SLC5A12: variants seen among roughly 807,000 people sequenced by gnomAD.
SLC5A12 encodes the protein solute carrier family 5 member 12, also known as sodium-coupled monocarboxylate transporter 2.
Under a neutral mutation model 72.7 loss-of-function variants are expected in SLC5A12, and 46 were observed. The ratio of observed to expected loss-of-function variants is 0.63; its 90% CI spans 0.50 to 0.81. The LOEUF is 0.81. Among genes scored for constraint, SLC5A12 ranks in the 30% least tolerant of loss-of-function variants. The pLI, the probability that SLC5A12 is intolerant of heterozygous loss-of-function variation, is 0.00. For missense variants in SLC5A12, 683 were observed against 740.7 expected (o/e 0.92, Z 0.90); for synonymous variants, 275 against 264.4 (o/e 1.04, Z -0.39).
At chr11:26,690,188 G>A (rs1343462303) in intron 9 of SLC5A12, among the ~76,000 whole-genome samples, 1 of 152,018 alleles carries the variant, frequency 6.6e-6, no homozygotes, top group South Asian at 2.1e-4. Context: ...GGTTCAGATA[G>A]GTTCCATGCA....
At chr11:26,698,566 C>T (rs1231064192) in intron 6 of SLC5A12, 31 bp from the exon 7 acceptor site, 1 of 1,611,236 alleles carries the variant, frequency 6.2e-7, no homozygotes, top group South Asian at 1.1e-5. Flanking sequence ...CTATTGGTAG[C>T]CTGTATACCA....
rs941864832 is a variant in SLC5A12, at chr11:26,667,353, C to T, written c.*3749G>A. 1.3e-5 allele frequency: 2 copies of T among 151,892 alleles called. No individual in the cohort carries two copies. Among genetic ancestry groups the T allele is most frequent in the African/African-American group, 4.8e-5 (2 of 41,420 alleles). The allele number at this position is 151,892 out of a possible 1,614,324, so 9.4% of individuals were successfully genotyped here. On this transcript the variant is annotated 3_prime_UTR_variant, in exon 15 of 15. Coordinates refer to ENST00000396005, the MANE Select transcript of SLC5A12 (RefSeq NM_178498.4). ...TCTTTGTAATAATGTTTGATTAAGA[C>T]TGTAACAGCACAAAAATATTTCAGT... is the stretch of plus-strand genomic sequence containing the variant.
intron 1 of SLC5A12, among the ~76,000 whole-genome samples, chr11:26,720,057 G>A (rs540238088): frequency 5.3e-5 from 8 of 152,250 alleles, no homozygotes; most frequent in African/African-American, 1.9e-4. Flanking sequence ...GAAGTACTTA[G>A]CACATAGTTA....
chr11:26,701,342 A>G (rs1854953458), intron 6 of SLC5A12, among the ~76,000 whole-genome samples: 1 of 152,108 alleles, frequency 6.6e-6, no homozygotes, highest in African/African-American at 2.4e-5. Flanking sequence ...CACAGTCCTA[A>G]TCCCTTCATG....
chr11:26,698,047 G>A (rs113917367), intron 7 of SLC5A12, among the ~76,000 whole-genome samples: 2,757 of 151,836 alleles, frequency 0.018, 61 homozygotes, highest in African/African-American at 0.057. Flanking sequence ...ACAGGTGCCC[G>A]CCACCTTGCC....
At chr11:26,677,562 C>A (rs1394465095) in intron 13 of SLC5A12, among the ~76,000 whole-genome samples, 2 of 152,122 alleles carry the variant, frequency 1.3e-5, no homozygotes, top group Non-Finnish European at 2.9e-5. Context: ...GGTACTAAGG[C>A]AAAATCTAAA....
intron 9 of SLC5A12, among the ~76,000 whole-genome samples, chr11:26,689,253 C>T (rs541740869): frequency 7.4e-4 from 112 of 152,094 alleles, no homozygotes; most frequent in African/African-American, 2.6e-3. Flanking sequence ...CAAAATTTAG[C>T]CGGGTGTCGT....
chr11:26,683,624 C>T, intron 11 of SLC5A12, 133 bp downstream of exon 11: 1 of 641,718 alleles, frequency 1.6e-6, no homozygotes, highest in South Asian at 2.0e-5. Context: ...TAGACTCAAG[C>T]TCTGTTTAAT....
chr11:26,710,494 C>T (rs139072148), intron 3 of SLC5A12, among the ~76,000 whole-genome samples: 1,522 of 152,164 alleles, frequency 0.01, 34 homozygotes, highest in African/African-American at 0.034. Flanking sequence ...TTCTCCACAT[C>T]CTCTCCAGCA....
At chr11:26,709,726 G>A (rs1419384464) in intron 3 of SLC5A12, among the ~76,000 whole-genome samples, 1 of 151,978 alleles carries the variant, frequency 6.6e-6, no homozygotes, top group Non-Finnish European at 1.5e-5. Context: ...TGAGCCATGA[G>A]CAGGGATATA....
intron 14 of SLC5A12, among the ~76,000 whole-genome samples, chr11:26,671,589 G>GCATCCC (rs1854145611): frequency 1.3e-5 from 2 of 151,984 alleles, no homozygotes; most frequent in African/African-American, 4.8e-5. Context: ...TCTCATATGG[G>GCATCCC]GATGGCCCCC....
Position 26,712,628 on chromosome 11 carries a change from C to T in SLC5A12, c.405+13G>A. ...TCACAGTTTCCACATCTGCAGCAGCCATGACCACTTACCGTCTGTACAATG... is the reference window on the plus strand; with the variant it reads ...TCACAGTTTCCACATCTGCAGCAGCTATGACCACTTACCGTCTGTACAATG... On this transcript the variant is annotated intron_variant, in intron 2 of 14. Coordinates refer to ENST00000396005, the MANE Select transcript of SLC5A12 (RefSeq NM_178498.4). 6.6e-7 allele frequency: 1 copy of T among 1,520,072 alleles called. No individual in the cohort carries two copies. The highest frequency in any genetic ancestry group is 9.0e-7 in the Non-Finnish European group (1 of 1,114,828). 94.2% of individuals were successfully genotyped at this position (1,520,072 alleles called of 1,614,324 possible). A position where few individuals can be genotyped will look rare whatever the true frequency, so the allele number is the denominator to read the frequency against.
In SLC5A12 at chr11:26,668,185, T is replaced by C. The variant is rs574554297; in HGVS notation, c.*2917A>G. On this transcript the variant is annotated 3_prime_UTR_variant, in exon 15 of 15. Coordinates refer to ENST00000396005, the MANE Select transcript of SLC5A12 (RefSeq NM_178498.4). ...AGTTCCTCACCTCAATCATAAGCTG[T>C]TGTAGTTCTTATTCCAAATGGTGAC... 6.6e-5 allele frequency: 10 copies of C among 152,142 alleles called. No homozygotes were observed. In the East Asian group the frequency reaches 1.7e-3, roughly 27 times the overall value. 9.4% of individuals were successfully genotyped at this position (152,142 alleles called of 1,614,324 possible).
chr11:26,708,329 G>C (rs1181486906), intron 4 of SLC5A12, among the ~76,000 whole-genome samples: 1 of 151,928 alleles, frequency 6.6e-6, no homozygotes, highest in African/African-American at 2.4e-5. Flanking sequence ...TATTCTTTTA[G>C]CATAGGTGGG....
At chr11:26,678,836 C>A in intron 12 of SLC5A12, 21 bp from the exon 13 acceptor site, 1 of 1,540,924 alleles carries the variant, frequency 6.5e-7, no homozygotes, top group South Asian at 1.1e-5. Context: ...CAGCACATGT[C>A]ACCAATTCCA....
intron 7 of SLC5A12, among the ~76,000 whole-genome samples, chr11:26,697,658 T>G (rs141025874): frequency 6.6e-6 from 1 of 152,178 alleles, no homozygotes. Context: ...CCATGTTTAC[T>G]GTAGTATATC....
intron 6 of SLC5A12, among the ~76,000 whole-genome samples, chr11:26,700,531 A>AAATAAATAAATAAATAAATAAATC (rs1442086380): frequency 2.6e-5 from 4 of 152,096 alleles, no homozygotes; most frequent in African/African-American, 9.7e-5. Context: ...ATAAATAAAT[A>AAATAAATAAATAAATAAATAAATC]AATCAGATAA....
chr11:26,708,279 A>C (rs1288485319), intron 4 of SLC5A12, among the ~76,000 whole-genome samples: 2 of 152,026 alleles, frequency 1.3e-5, no homozygotes, highest in Non-Finnish European at 2.9e-5. Context: ...CAGAGCAACT[A>C]ATCTATTATA....
intron 1 of SLC5A12, among the ~76,000 whole-genome samples, chr11:26,717,782 G>T (rs116512448): frequency 2.2e-3 from 339 of 152,310 alleles, no homozygotes; most frequent in African/African-American, 7.9e-3. Flanking sequence ...GATCAATGGA[G>T]AGAGGTCTGA....
Sources: allele counts gnomAD v4.1 joint callset (sites outside exome capture counted in the v4.1 genomes callset), GRCh38; gene constraint gnomAD v4.1.1; transcripts MANE v1.5; gene names NCBI Gene and HGNC (gene_info 2026-07-23, HGNC 2026-07-21).